PTPRD: variants seen among roughly 807,000 people sequenced by gnomAD.
PTPRD encodes protein tyrosine phosphatase receptor type D.
Under a neutral mutation model 214.5 loss-of-function variants are expected in PTPRD, and 34 were observed. That is an observed-to-expected ratio of 0.16 (90% CI 0.12 to 0.21). The LOEUF (loss-of-function observed/expected upper bound fraction) is 0.21, where lower values mean the gene tolerates loss of function less well. Among genes scored for constraint, PTPRD ranks in the 10% least tolerant of loss-of-function variants. PTPRD has a pLI of 1.00. For missense variants in PTPRD, 2,545 were observed against 2,398.7 expected (o/e 1.06, Z -1.27); for synonymous variants, 1,128 against 845.7 (o/e 1.33, Z -5.79).
chr9:10,409,793 G>A (rs1482814467), intron 2 of PTPRD, among the ~76,000 whole-genome samples: 2 of 151,598 alleles, frequency 1.3e-5, no homozygotes, highest in African/African-American at 2.4e-5. Context: ...ACTCAGAAGC[G>A]GCCCATAGAG....
At chr9:9,728,249 G>T (rs1210000684) in intron 7 of PTPRD, among the ~76,000 whole-genome samples, 5 of 152,100 alleles carry the variant, frequency 3.3e-5, no homozygotes, top group Non-Finnish European at 5.9e-5. Context: ...GTCTTTATCT[G>T]CAGAGTGAAA....
At chr9:10,511,041 A>G (rs1176033664) in intron 2 of PTPRD, among the ~76,000 whole-genome samples, 1 of 152,070 alleles carries the variant, frequency 6.6e-6, no homozygotes, top group Non-Finnish European at 1.5e-5. Flanking sequence ...TGATTCATAC[A>G]TGTTATTGTA....
At chr9:9,650,902 C>A (rs993505888) in intron 7 of PTPRD, among the ~76,000 whole-genome samples, 2 of 151,824 alleles carry the variant, frequency 1.3e-5, no homozygotes, top group Non-Finnish European at 2.9e-5. Flanking sequence ...ATAAATGTTA[C>A]ATTTATAAAT....
At position 8,376,704 on chromosome 9, in the gene PTPRD, G is replaced by C; in HGVS notation, c.4409C>G (p.Pro1470Arg). 1 of 1,612,964 alleles carries C rather than the reference G, an allele frequency of 6.2e-7. No individual in the cohort carries two copies. Among genetic ancestry groups the C allele is most frequent in the Non-Finnish European group, 8.5e-7 (1 of 1,179,268 alleles). Residue 1470 changes from proline (P) to arginine (R), a missense_variant, in exon 38 of 46, where the codon CCT becomes CGT. Coordinates refer to ENST00000381196, the MANE Select transcript of PTPRD (RefSeq NM_002839.4). The part of the protein sequence containing the change: ...RSRVKCDQYW[P>R]SRGTETHGLV... ...TCCGTGGGTTTCTGTGCCTCTGCTA[G>C]GCCAATACTGGTCACACTTCACCTA...
At chr9:8,515,347 T>C (rs944141793) in intron 21 of PTPRD, among the ~76,000 whole-genome samples, 6 of 152,220 alleles carry the variant, frequency 3.9e-5, no homozygotes, top group African/African-American at 1.2e-4. Context: ...ACTATTATGA[T>C]GATTACATAT....
At chr9:9,796,866 C>T (rs1356575227) in intron 5 of PTPRD, among the ~76,000 whole-genome samples, 2 of 152,130 alleles carry the variant, frequency 1.3e-5, no homozygotes, top group African/African-American at 4.8e-5. Context: ...TCAACATATA[C>T]AACTTGATGA....
intron 11 of PTPRD, among the ~76,000 whole-genome samples, chr9:8,794,208 A>T (rs906203900): frequency 2.0e-5 from 3 of 152,188 alleles, no homozygotes; most frequent in South Asian, 2.1e-4. Context: ...AAACTCATTT[A>T]AAAAATATCA....
intron 12 of PTPRD, among the ~76,000 whole-genome samples, chr9:8,669,678 G>A (rs904905932): frequency 6.6e-6 from 1 of 152,176 alleles, no homozygotes; most frequent in African/African-American, 2.4e-5. Flanking sequence ...TAAATTAGAA[G>A]AGTAAGAGTA....
intron 7 of PTPRD, among the ~76,000 whole-genome samples, chr9:9,686,008 T>A (rs2097160516): frequency 6.6e-6 from 1 of 151,458 alleles, no homozygotes; most frequent in African/African-American, 2.4e-5. Context: ...CAATCTGGAA[T>A]TCTTAGAAGA....
intron 8 of PTPRD, among the ~76,000 whole-genome samples, chr9:9,423,787 G>A (rs1569568197): frequency 6.6e-6 from 1 of 152,084 alleles, no homozygotes; most frequent in Non-Finnish European, 1.5e-5. Flanking sequence ...ATTGAAGAGG[G>A]AATTGGTGAT....
chr9:8,986,536 A>C lies in PTPRD; in HGVS notation c.-104+32161T>G, dbSNP rs375490748. On this transcript the variant is annotated intron_variant, in intron 11 of 45. Coordinates refer to ENST00000381196, the MANE Select transcript of PTPRD (RefSeq NM_002839.4). ...CTTTTCATTCAACAGTTTATCATAA[A>C]AATCTACTTTTGTTAATTTAAAATA... is the stretch of plus-strand genomic sequence containing the variant. Among the ~76,000 whole-genome samples, 66 of 151,964 alleles carry C rather than the reference A, an allele frequency of 4.3e-4. 1 individual carries two copies. The East Asian group carries it at 0.01, about 24-fold the overall frequency.
chr9:9,295,532 A>ACC (rs1244700701), intron 9 of PTPRD, among the ~76,000 whole-genome samples: 5 of 151,806 alleles, frequency 3.3e-5, no homozygotes, highest in Non-Finnish European at 7.4e-5. Context: ...CTTGAAACAT[A>ACC]CTTTATTGCA....
chr9:8,365,841 T>G (rs898573938), intron 39 of PTPRD, among the ~76,000 whole-genome samples: 7 of 152,118 alleles, frequency 4.6e-5, no homozygotes, highest in Admixed American at 3.3e-4. Context: ...GAGACCCCAT[T>G]TGGCTTTCCC....
intron 2 of PTPRD, among the ~76,000 whole-genome samples, chr9:10,523,387 T>A (rs948934884): frequency 1.8e-4 from 27 of 151,492 alleles, no homozygotes; most frequent in Non-Finnish European, 3.2e-4. Context: ...AAAGCAACTG[T>A]CCCAAGCAAC....
At chr9:10,343,415 G>A (rs765736284) in intron 2 of PTPRD, among the ~76,000 whole-genome samples, 6 of 152,084 alleles carry the variant, frequency 3.9e-5, no homozygotes, top group Non-Finnish European at 7.3e-5. Flanking sequence ...CTTTGCTGTT[G>A]TGAATAGTGC....
At chr9:8,490,505 T>C (rs1007106038) in intron 27 of PTPRD, among the ~76,000 whole-genome samples, 25 of 152,224 alleles carry the variant, frequency 1.6e-4, no homozygotes, top group Admixed American at 6.5e-5. Flanking sequence ...AGTCATCTTT[T>C]GATTATCCTT....
intron 44 of PTPRD, among the ~76,000 whole-genome samples, chr9:8,329,491 GT>G (rs1185288595): frequency 3.3e-5 from 5 of 152,148 alleles, no homozygotes; most frequent in African/African-American, 1.2e-4. Flanking sequence ...ATACATGGGG[GT>G]CAGGGACCCA....
intron 2 of PTPRD, among the ~76,000 whole-genome samples, chr9:10,375,194 A>T (rs2097704267): frequency 6.6e-6 from 1 of 152,024 alleles, no homozygotes; most frequent in Non-Finnish European, 1.5e-5. Context: ...AAGTAACTAA[A>T]TTTCTAAGTA....
intron 8 of PTPRD, among the ~76,000 whole-genome samples, chr9:9,472,040 G>T (rs201260029): frequency 6.6e-6 from 1 of 151,954 alleles, no homozygotes; most frequent in South Asian, 2.1e-4. Flanking sequence ...TATTTTAAGT[G>T]TCTAAGTGGT....
Sources: allele counts gnomAD v4.1 joint callset (sites outside exome capture counted in the v4.1 genomes callset), GRCh38; gene constraint gnomAD v4.1.1; transcripts MANE v1.5; gene names NCBI Gene and HGNC (gene_info 2026-07-23, HGNC 2026-07-21).